CRADD: variants seen among roughly 807,000 people sequenced by gnomAD.
The protein encoded by CRADD is death domain-containing protein CRADD.
Under a neutral mutation model 15.5 loss-of-function variants are expected in CRADD, and 9 were observed. That is an observed-to-expected ratio of 0.58 (90% CI 0.35 to 1.01). The LOEUF (loss-of-function observed/expected upper bound fraction) is 1.01. Ranked by LOEUF, CRADD falls within the 50% of genes least tolerant of loss-of-function variation. CRADD has a pLI of 0.02. For missense variants in CRADD, 227 were observed against 250.3 expected (o/e 0.91, Z 0.63); for synonymous variants, 118 against 107.6 (o/e 1.10, Z -0.60).
chr12:93,700,572 A>C (rs1442761343), intron 2 of CRADD, among the ~76,000 whole-genome samples: 4 of 152,008 alleles, frequency 2.6e-5, no homozygotes, highest in Non-Finnish European at 4.4e-5. Flanking sequence ...CTGGAACGAC[A>C]GGCGCCCACC....
Position 93,850,242 on chromosome 12 carries a change from CCCTCGCTGCTCCTGCACATG to C in CRADD, c.572_591del (p.Pro191LeufsTer75). The stretch of plus-strand genomic sequence containing the variant: ...CGGGCTGCGGGCTGTGGAGGTGGAC[CCCTCGCTGCTCCTGCACATG>C]TTGGAGTGATGGTGCCTCCAGCAAC... On this transcript the variant is annotated frameshift_variant, in exon 3 of 3. Coordinates refer to ENST00000332896, the MANE Select transcript of CRADD (RefSeq NM_003805.5). LOFTEE classifies it high-confidence loss of function. This position sits in a 1 kb window ranked among gnomAD's most constrained non-coding sequence, Gnocchi z 4.0. The C allele has an allele frequency of 6.2e-7, 1 of 1,606,122 alleles. No homozygotes were observed. The highest frequency in any genetic ancestry group is 8.5e-7 in the Non-Finnish European group (1 of 1,175,948).
At chr12:93,775,422 GT>G (rs1206151027) in intron 2 of CRADD, among the ~76,000 whole-genome samples, 1 of 152,204 alleles carries the variant, frequency 6.6e-6, no homozygotes, top group Non-Finnish European at 1.5e-5. Context: ...AGGAGGCCTG[GT>G]TTTCAGAAAG....
intron 2 of CRADD, among the ~76,000 whole-genome samples, chr12:93,753,799 C>A (rs536588356): frequency 6.6e-6 from 1 of 152,250 alleles, no homozygotes; most frequent in African/African-American, 2.4e-5. Flanking sequence ...GCCCCCCTCC[C>A]AGCTGCTTTC....
chr12:93,693,664 C>T (rs1420705086), intron 2 of CRADD, among the ~76,000 whole-genome samples: 1 of 151,934 alleles, frequency 6.6e-6, no homozygotes, highest in Admixed American at 6.6e-5. Context: ...TTTAATACCC[C>T]ACTTTCAGTA....
chr12:93,876,687 C>T (rs890689642), intron 2 of CRADD, among the ~76,000 whole-genome samples: 22 of 152,112 alleles, frequency 1.4e-4, no homozygotes, highest in Admixed American at 1.3e-3. Flanking sequence ...ATTTCAATCT[C>T]ATTGTTAAAT....
At chr12:93,695,180 T>A (rs574252101) in intron 2 of CRADD, among the ~76,000 whole-genome samples, 3 of 152,178 alleles carry the variant, frequency 2.0e-5, no homozygotes, top group Non-Finnish European at 4.4e-5. Flanking sequence ...TTATGGTCAG[T>A]TGATTTTCAA....
intron 2 of CRADD, among the ~76,000 whole-genome samples, chr12:93,689,955 C>CT (rs1955529157): frequency 6.6e-6 from 1 of 152,202 alleles, no homozygotes; most frequent in Non-Finnish European, 1.5e-5. Context: ...ATATCCAAGT[C>CT]TAACAGCATG....
At chr12:93,694,189 T>C (rs1955642526) in intron 2 of CRADD, among the ~76,000 whole-genome samples, 1 of 152,064 alleles carries the variant, frequency 6.6e-6, no homozygotes, top group Non-Finnish European at 1.5e-5. Flanking sequence ...AAATATGACA[T>C]ACCACATTAA....
At chr12:93,891,477 A>C (rs1053745373) in intron 2 of CRADD, among the ~76,000 whole-genome samples, 2 of 152,122 alleles carry the variant, frequency 1.3e-5, no homozygotes, top group Admixed American at 6.5e-5. Context: ...ACAGAGCGAC[A>C]CTCCGTGTCA....
chr12:93,703,527 A>ATTTTTGTATT (rs1288884226), intron 2 of CRADD, among the ~76,000 whole-genome samples: 2 of 151,776 alleles, frequency 1.3e-5, no homozygotes, highest in Non-Finnish European at 2.9e-5. Flanking sequence ...CACCTGGCTA[A>ATTTTTGTATT]TTTTTGTATT....
At chr12:93,815,408 A>G (rs1957685047) in intron 2 of CRADD, 2 of 152,238 alleles carry the variant, frequency 1.3e-5, no homozygotes, top group Non-Finnish European at 2.9e-5. Flanking sequence ...CTACAGGTAC[A>G]AGAATCTGAG....
chr12:93,690,437 A>G (rs1344035431), intron 2 of CRADD, among the ~76,000 whole-genome samples: 1 of 152,210 alleles, frequency 6.6e-6, no homozygotes, highest in Non-Finnish European at 1.5e-5. Context: ...GGTAGATAAA[A>G]CGCTGGAGAG....
chr12:93,816,611 C>A (rs1957701353), intron 2 of CRADD, among the ~76,000 whole-genome samples: 1 of 152,188 alleles, frequency 6.6e-6, no homozygotes, highest in South Asian at 2.1e-4. Flanking sequence ...TTAGAGCACA[C>A]TTCAATTCAG....
At chr12:93,842,193 C>T (rs1055096413) in intron 2 of CRADD, among the ~76,000 whole-genome samples, 10 of 152,114 alleles carry the variant, frequency 6.6e-5, no homozygotes, top group African/African-American at 2.4e-4. Context: ...TCTCAGATTA[C>T]CTGTAAGGTG....
intron 2 of CRADD, chr12:93,815,727 T>C (rs1239098525): frequency 6.6e-6 from 1 of 152,268 alleles, no homozygotes; most frequent in Non-Finnish European, 1.5e-5. Context: ...CCTTCATTTT[T>C]ACTGGTGAGT....
At chr12:93,882,106 A>G (rs1003122998) in intron 2 of CRADD, among the ~76,000 whole-genome samples, 2 of 151,494 alleles carry the variant, frequency 1.3e-5, no homozygotes, top group African/African-American at 2.4e-5. Context: ...CCTGGGTGAC[A>G]GAGTAAGACT....
At chr12:93,782,423 C>T (rs1957221571) in intron 2 of CRADD, among the ~76,000 whole-genome samples, 1 of 151,978 alleles carries the variant, frequency 6.6e-6, no homozygotes, top group African/African-American at 2.4e-5. Context: ...AGCACACCAA[C>T]ATGGCACATG....
chr12:93,860,451 T>C (rs894619920), intron 2 of CRADD, among the ~76,000 whole-genome samples: 1 of 152,210 alleles, frequency 6.6e-6, no homozygotes, highest in African/African-American at 2.4e-5. Flanking sequence ...GGTAGGGATA[T>C]AGCAGTCAAT....
chr12:93,851,822 T>C (rs1179306432), downstream of CRADD, among the ~76,000 whole-genome samples: 2 of 152,236 alleles, frequency 1.3e-5, no homozygotes, highest in Non-Finnish European at 2.9e-5. Context: ...AATCATGTTT[T>C]TTATTTCTCT....
Sources: gnomAD v4.1 joint callset for allele counts (sites outside exome capture counted in the v4.1 genomes callset) on GRCh38, gnomAD v4.1.1 for gene constraint, Gnocchi (gnomAD v3.1) non-coding constraint, MANE v1.5 for transcripts, NCBI Gene and HGNC (gene_info 2026-07-23, HGNC 2026-07-21) for gene names.